Variants in IGFN1 observed in about 807,000 individuals in gnomAD.
IGFN1 encodes the protein immunoglobulin like and fibronectin type III domain containing 1.
In IGFN1, 253 loss-of-function variants were observed where a neutral mutation model predicts 289.5. That is an observed-to-expected ratio of 0.87 (90% confidence interval 0.79 to 0.97). The LOEUF is 0.97. Among genes scored for constraint, IGFN1 ranks in the 50% least tolerant of loss-of-function variants. The pLI is 0.00. For synonymous variants in IGFN1, 1,706 were observed against 1,788.5 expected, an observed-to-expected ratio of 0.95 and a Z score of 1.16; for missense variants, 4,470 against 4,686.1, an observed-to-expected ratio of 0.95 and a Z score of 1.35.
chr1:201,218,827 T>G (rs1653515779), intron 18 of IGFN1, among the ~76,000 whole-genome samples, 169 bp downstream of exon 18: 1 of 152,000 alleles, frequency 6.6e-6, no homozygotes, highest in African/African-American at 2.4e-5. Context: ...GAGCCACATC[T>G]TAGGGGCCCT....
intron 5 of IGFN1, 101 bp from the exon 6 acceptor site, chr1:201,199,233 C>A (rs750899902): frequency 1.5e-5 from 15 of 1,001,258 alleles, no homozygotes; most frequent in African/African-American, 1.1e-4. Flanking sequence ...GAGAGCAGGG[C>A]TCTGGGACTC....
Position 201,208,734 on chromosome 1 carries a change from G to C in IGFN1, c.3841G>C (p.Gly1281Arg), listed in dbSNP as rs1667558087. 3 of 1,537,066 alleles carry C rather than the reference G, an allele frequency of 2.0e-6. No individual in the cohort carries two copies. Among genetic ancestry groups the C allele is most frequent in the Non-Finnish European group, 2.6e-6 (3 of 1,146,838 alleles). Residue 1281 changes from glycine to arginine, a missense_variant, in exon 12 of 24, where the codon GGG becomes CGG. Coordinates refer to ENST00000335211, the MANE Select transcript of IGFN1 (RefSeq NM_001164586.2). Reference sequence around the variant, plus strand: ...GGGTATTGGGAGTTCTGGGGAAATGGGGTCAGTGGATAAGGAAGGTTATAA... The same window carrying C: ...GGGTATTGGGAGTTCTGGGGAAATGCGGTCAGTGGATAAGGAAGGTTATAA... ...RKGIGSSGEMGSVDKEGYKKD... is the reference protein window; with the variant it reads ...RKGIGSSGEMRSVDKEGYKKD...
In IGFN1 at chr1:201,204,600, G is replaced by A. The variant is rs554132427; in HGVS notation, c.917-482G>A. Reference sequence around the variant, plus strand: ...GGGCTTTGGAAAGCCTGAAAACAGTGCAGTTTGGGAAAAGAAGTATGGGTT... The same window carrying A: ...GGGCTTTGGAAAGCCTGAAAACAGTACAGTTTGGGAAAAGAAGTATGGGTT... On this transcript the variant is annotated intron_variant, in intron 10 of 23. Coordinates refer to ENST00000335211, the MANE Select transcript of IGFN1 (RefSeq NM_001164586.2). Among the ~76,000 whole-genome samples, 87 of 152,362 alleles carry A rather than the reference G, an allele frequency of 5.7e-4. 1 individual carries two copies. The South Asian group carries it at 0.016, about 28-fold the overall frequency.
Position 201,210,552 on chromosome 1 carries a change from G to T in IGFN1, c.5659G>T (p.Glu1887Ter). The T allele has an allele frequency of 2.2e-6, 3 of 1,390,484 alleles. No homozygotes were observed. The highest frequency in any genetic ancestry group is 2.8e-6 in the Non-Finnish European group (3 of 1,066,416). The allele number at this position is 1,390,484 out of a possible 1,614,324, so 86.1% of individuals were successfully genotyped here. Residue 1887 changes from glutamate to a stop codon, truncating the protein, a stop_gained, in exon 12 of 24, where the codon GAG becomes TAG. Coordinates refer to ENST00000335211, the MANE Select transcript of IGFN1 (RefSeq NM_001164586.2). LOFTEE classifies it high-confidence loss of function. ...TTCTGGGGAAATGGGGTCAATGGAT[G>T]AGGCAGGTTATAGGAAGGATTTGTG... ...GSSGEMGSMD[E>*]AGYRKDLWAP...
intron 4 of IGFN1, among the ~76,000 whole-genome samples, 200 bp from the exon 5 acceptor site, chr1:201,197,018 T>C (rs1389874542): frequency 1.3e-5 from 2 of 152,216 alleles, no homozygotes; most frequent in Non-Finnish European, 2.9e-5. Context: ...TTGCCTCTGA[T>C]GGCAAAGAAT....
At position 201,216,435 on chromosome 1, in the gene IGFN1, C is replaced by A; in HGVS notation, c.9296-19C>A. The A allele has an allele frequency of 1.3e-6, 2 of 1,526,080 alleles. No individual in the cohort carries two copies. The highest frequency in any genetic ancestry group is 1.8e-6 in the Non-Finnish European group (2 of 1,142,362). The allele number at this position is 1,526,080 out of a possible 1,614,324, so 94.5% of individuals were successfully genotyped here. ...TCCTCTGACCCCTCCTCTTCCCGCT[C>A]CTCTCTGTGGGTCCCCAGACAAGCC... On this transcript the variant is annotated intron_variant, in intron 15 of 23. Coordinates refer to ENST00000335211, the MANE Select transcript of IGFN1 (RefSeq NM_001164586.2).
At chr1:201,204,118 G>T (rs1247247725) in intron 10 of IGFN1, among the ~76,000 whole-genome samples, 1 of 152,150 alleles carries the variant, frequency 6.6e-6, no homozygotes, top group Non-Finnish European at 1.5e-5. Context: ...GCTGAGCTGG[G>T]TTCTACTGAA....
At chr1:201,193,167 G>A (rs533614224) in intron 1 of IGFN1, 80 bp from the exon 2 acceptor site, 1 of 695,246 alleles carries the variant, frequency 1.4e-6, no homozygotes, top group African/African-American at 1.8e-5. Flanking sequence ...CCCAGACATT[G>A]GCTGATGCAC....
In IGFN1 at chr1:201,207,289, C is replaced by T; in HGVS notation, c.2396C>T (p.Thr799Ile). The change falls in exon 12 of 24, where the codon ACA becomes ATA. Residue 799 changes from threonine (T) to isoleucine (I), a missense_variant. By Grantham distance (89) the Thr-to-Ile change is moderately conservative (BLOSUM62 -1). Around this residue, in one of 8 missense-constraint regions of IGFN1, gnomAD observed 2,011 missense variants for 1,953.4 expected, o/e 1.03. Coordinates refer to ENST00000335211, the MANE Select transcript of IGFN1 (RefSeq NM_001164586.2). ...CTCAGGGGAAGGGATGGCCAGGAAA[C>T]AGCTTGGGCCTCGGGTGAGGTAGAG... ...QELRGRDGQE[T>I]AWASGEVEYD... 1 of 1,536,796 alleles carries T rather than the reference C, an allele frequency of 6.5e-7. No individual in the cohort carries two copies. Among genetic ancestry groups the T allele is most frequent in the Non-Finnish European group, 8.7e-7 (1 of 1,146,886 alleles).
At chr1:201,200,495 G>A in intron 8 of IGFN1, 84 bp downstream of exon 8, 1 of 1,162,210 alleles carries the variant, frequency 8.6e-7, no homozygotes, top group Non-Finnish European at 1.2e-6. Flanking sequence ...AGGTGGGCTT[G>A]GAGGCAGAAC....
At position 201,212,293 on chromosome 1, in the gene IGFN1, T is replaced by C. The variant is rs973601079; in HGVS notation, c.7400T>C (p.Leu2467Pro). The change falls in exon 12 of 24, where the codon CTT becomes CCT. Residue 2467 changes from leucine (L) to proline (P), a missense_variant. By Grantham distance (98) the Leu-to-Pro change is moderately conservative. Around this residue, in one of 8 missense-constraint regions of IGFN1, gnomAD observed 2,218 missense variants for 2,114.1 expected, o/e 1.05. Transcript: ENST00000335211. Reference protein sequence around the residue: ...LSDERGSTKDLGGYGTSGIPE... With the variant: ...LSDERGSTKDPGGYGTSGIPE... The stretch of plus-strand genomic sequence containing the variant: ...GATGAGCGAGGCTCCACCAAAGATC[T>C]TGGGGGCTATGGAACTTCAGGGATC... 2.0e-6 allele frequency: 3 copies of C among 1,536,094 alleles called. No homozygotes were observed. Among genetic ancestry groups the C allele is most frequent in the East Asian group, 2.4e-5 (1 of 40,920 alleles).
intron 5 of IGFN1, among the ~76,000 whole-genome samples, chr1:201,197,734 GT>G (rs929600668): frequency 1.1e-4 from 16 of 152,056 alleles, no homozygotes; most frequent in African/African-American, 3.1e-4. Context: ...TCTCAGACAT[GT>G]TTTTTTTGGT....
intron 2 of IGFN1, among the ~76,000 whole-genome samples, chr1:201,193,810 C>T (rs1167647531): frequency 6.6e-6 from 1 of 152,052 alleles, no homozygotes; most frequent in Non-Finnish European, 1.5e-5. Context: ...GAGTGCAAAG[C>T]CCCCACACGA....
At position 201,212,425 on chromosome 1, in the gene IGFN1, T is replaced by C. The variant is rs1271122941; in HGVS notation, c.7532T>C (p.Val2511Ala). The C allele has an allele frequency of 2.6e-6, 4 of 1,536,702 alleles. No homozygotes were observed. In the South Asian group the frequency reaches 4.8e-5, roughly 18 times the overall value. ...GSSRDRGAPR[V>A]KDRSPDQAGI... ...TCTAGAGACAGAGGGGCTCCCAGGG[T>C]GAAGGATAGGTCTCCAGACCAAGCA... Residue 2511 changes from valine to alanine, a missense_variant, in exon 12 of 24, where the codon GTG becomes GCG. Transcript: ENST00000335211.
chr1:201,192,364 C>A (rs542298422), intron 1 of IGFN1, among the ~76,000 whole-genome samples: 1 of 152,342 alleles, frequency 6.6e-6, no homozygotes, highest in African/African-American at 2.4e-5. Flanking sequence ...GAGGGTGGGA[C>A]TGCTGGAAGA....
chr1:201,217,681 G>A (rs965611570), intron 17 of IGFN1, among the ~76,000 whole-genome samples: 2 of 152,090 alleles, frequency 1.3e-5, no homozygotes, highest in African/African-American at 4.8e-5. Context: ...ACAGTATACA[G>A]GACAGAGCCC....
rs530870624 is a variant in IGFN1 at position 201,213,471 on chromosome 1, G to A, written c.8578G>A (p.Asp2860Asn). ...GTGCCTGGAGGAGATGCTGAATGAAGATCAGAGCCGGGAGCCCCCTGGTCA... is the reference window on the plus strand; with the variant it reads ...GTGCCTGGAGGAGATGCTGAATGAAAATCAGAGCCGGGAGCCCCCTGGTCA... ...WGCLEEMLNE[D>N]QSREPPGHLG... Residue 2860 changes from aspartate (D) to asparagine (N), a missense_variant, in exon 12 of 24, where the codon GAT becomes AAT. Coordinates refer to ENST00000335211, the MANE Select transcript of IGFN1 (RefSeq NM_001164586.2). The A allele has an allele frequency of 2.6e-5, 42 of 1,614,086 alleles. 1 individual carries two copies. In the East Asian group the frequency reaches 9.4e-4, roughly 36 times the overall value.
chr1:201,193,376 G>C, intron 2 of IGFN1, 76 bp downstream of exon 2: 2 of 1,065,794 alleles, frequency 1.9e-6, no homozygotes, highest in Non-Finnish European at 2.8e-6. Flanking sequence ...AGAAGTGGTA[G>C]GGATCAGAGA....
chr1:201,217,368 G>A lies in IGFN1; in HGVS notation c.9677G>A (p.Gly3226Asp), dbSNP rs375661567. ...ACACTGACATGGACAGCACCTCGGG[G>A]CCCCGGCAGCGCCCACATCCTGGGC... is the stretch of plus-strand genomic sequence containing the variant. ...GITLTWTAPR[G>D]PGSAHILGYL... Residue 3226 changes from glycine (G) to aspartate (D), a missense_variant, in exon 17 of 24, where the codon GGC (glycine) becomes GAC (aspartate). Physicochemically the swap from Gly to Asp is moderately conservative, Grantham distance 94. Around this residue, in one of 8 missense-constraint regions of IGFN1, gnomAD observed 2,218 missense variants for 2,114.1 expected, o/e 1.05. Transcript: ENST00000335211. The A allele has an allele frequency of 5.3e-5, 85 of 1,614,052 alleles. No individual in the cohort carries two copies. Among genetic ancestry groups the A allele is most frequent in the Middle Eastern group, 1.6e-4 (1 of 6,082 alleles).
Sources: allele counts gnomAD v4.1 joint callset (sites outside exome capture counted in the v4.1 genomes callset), GRCh38; gene constraint gnomAD v4.1.1; regional missense constraint gnomAD v4.1.1; transcripts MANE v1.5; gene names NCBI Gene and HGNC (gene_info 2026-07-23, HGNC 2026-07-21).